CCDC125: variants seen among roughly 807,000 people sequenced by gnomAD.
CCDC125 encodes coiled-coil domain-containing protein 125.
Under a neutral mutation model 57.4 loss-of-function variants are expected in CCDC125, and 43 were observed. The observed-to-expected ratio is 0.75, with a 90% CI of 0.59 to 0.97. The LOEUF (loss-of-function observed/expected upper bound fraction) is 0.97, where lower values mean the gene tolerates loss of function less well. CCDC125 is among the 50% of genes least tolerant of loss of function. CCDC125 has a pLI of 0.00. For missense variants in CCDC125, 563 were observed against 595.7 expected (o/e 0.95, Z 0.57); for synonymous variants, 187 against 195.2 (o/e 0.96, Z 0.35).
chr5:69,295,377 C>G (rs558939431), intron 8 of CCDC125, among the ~76,000 whole-genome samples: 71 of 152,058 alleles, frequency 4.7e-4, no homozygotes, highest in Non-Finnish European at 1.0e-4. Context: ...AAACAGTCAT[C>G]CCTCCACTCC....
At chr5:69,279,419 A>C (rs1021289233), downstream of CCDC125, among the ~76,000 whole-genome samples, 5 of 151,824 alleles carry the variant, frequency 3.3e-5, no homozygotes, top group African/African-American at 7.3e-5. Context: ...GATGGTCTCT[A>C]TCTCCTGACC....
At position 69,307,921 on chromosome 5, in the gene CCDC125, C is replaced by A. The variant is rs774670228; in HGVS notation, c.531+30G>T. The A allele has an allele frequency of 3.9e-6, 6 of 1,539,782 alleles. No individual in the cohort carries two copies. The Admixed American group carries it at 5.0e-5, about 13-fold the overall frequency. ...ATTATATTTAACAGCTTATTGGATT[C>A]AATAAGTCTACACTAAAAGCACCAA... On this transcript the variant is annotated intron_variant, in intron 5 of 11. Transcript: ENST00000396496.
chr5:69,300,848 T>C (rs1464519614), intron 7 of CCDC125, among the ~76,000 whole-genome samples: 1 of 152,054 alleles, frequency 6.6e-6, no homozygotes, highest in East Asian at 1.9e-4. Flanking sequence ...TAGAGCTTTT[T>C]TTGTCCTTTT....
At chr5:69,280,001 T>C (rs973234156), downstream of CCDC125, among the ~76,000 whole-genome samples, 1 of 152,094 alleles carries the variant, frequency 6.6e-6, no homozygotes, top group African/African-American at 2.4e-5. Flanking sequence ...CCATTGGATC[T>C]CGTGAGAACT....
chr5:69,311,614 T>C (rs1358497340), intron 3 of CCDC125, among the ~76,000 whole-genome samples: 1 of 151,196 alleles, frequency 6.6e-6, no homozygotes, highest in African/African-American at 2.4e-5. Flanking sequence ...GCTGAGCCAC[T>C]GCACTCCAGT....
Position 69,285,341 on chromosome 5 carries a change from T to C in CCDC125, c.1226A>G (p.Asp409Gly), listed in dbSNP as rs1057193180. 1.9e-6 allele frequency: 3 copies of C among 1,608,804 alleles called. No homozygotes were observed. Among genetic ancestry groups the C allele is most frequent in the Non-Finnish European group, 2.5e-6 (3 of 1,178,664 alleles). The change falls in exon 11 of 12, where the codon GAT (aspartate) becomes GGT (glycine). Residue 409 changes from aspartate (D) to glycine (G), a missense_variant. Asp to Gly is a moderately conservative substitution (Grantham distance 94). Coordinates refer to ENST00000396496, the MANE Select transcript of CCDC125 (RefSeq NM_176816.5). ...SPQEVLKMLI[D>G]LLNDKEEALA... ...AAAAAAAGCAAAGACACTAACCAAA[T>C]CTATGAGCATCTTAAGGACCTCTTG...
At chr5:69,322,261 AGG>A (rs1760144937) in intron 1 of CCDC125, among the ~76,000 whole-genome samples, 1 of 151,932 alleles carries the variant, frequency 6.6e-6, no homozygotes, top group African/African-American at 2.4e-5. Context: ...CTCGGATGAC[AGG>A]AGTGAGGCAC....
intron 1 of CCDC125, among the ~76,000 whole-genome samples, chr5:69,323,352 T>C (rs1474657256): frequency 6.6e-6 from 1 of 152,112 alleles, no homozygotes; most frequent in Non-Finnish European, 1.5e-5. Flanking sequence ...AAAGGTATCA[T>C]ATTTGCATAT....
Position 69,306,843 on chromosome 5 carries a change from C to A in CCDC125, c.591G>T (p.Glu197Asp). 6.6e-7 allele frequency: 1 copy of A among 1,508,088 alleles called. No homozygotes were observed. Among genetic ancestry groups the A allele is most frequent in the Non-Finnish European group, 8.8e-7 (1 of 1,132,130 alleles). The allele number at this position is 1,508,088 out of a possible 1,614,324, so 93.4% of individuals were successfully genotyped here. A position where few individuals can be genotyped will look rare whatever the true frequency, so the allele number is the denominator to read the frequency against. ...EFDHNRFKNI[E>D]ESWIQKYDRL... is the part of the protein sequence containing the mutation. ...TGTCATATTTTTGGATCCAAGATTC[C>A]TCTATATTTTTAAATCTATTATGAT... The change falls in exon 6 of 12, where the codon GAG becomes GAT. Residue 197 changes from glutamate to aspartate, a missense_variant. Physicochemically the swap from Glu to Asp is conservative, Grantham distance 45. Coordinates refer to ENST00000396496, the MANE Select transcript of CCDC125 (RefSeq NM_176816.5).
At chr5:69,288,854 G>A (rs1235728842) in intron 10 of CCDC125, among the ~76,000 whole-genome samples, 1 of 152,168 alleles carries the variant, frequency 6.6e-6, no homozygotes, top group East Asian at 1.9e-4. Context: ...TACCCAGCTG[G>A]TGTGTGGGGA....
intron 3 of CCDC125, 30 bp downstream of exon 3, chr5:69,313,955 G>C: frequency 6.6e-7 from 1 of 1,521,072 alleles, no homozygotes; most frequent in Admixed American, 1.7e-5. Flanking sequence ...CAGCTAAACT[G>C]ATAATTTTTA....
rs1303793019 is a variant in CCDC125, at chr5:69,285,450, T to C, written c.1117A>G (p.Ser373Gly). The change falls in exon 11 of 12, where the codon AGT becomes GGT. Residue 373 changes from serine (S) to glycine (G), a missense_variant. By Grantham distance (56) the Ser-to-Gly change is moderately conservative (BLOSUM62 0). Transcript: ENST00000396496. The stretch of plus-strand genomic sequence containing the variant: ...AGTCTCTGCCCGAAGGTCTTCTTAC[T>C]CCTTGGTGATGGAAATCCTAAAATT... ...LKEDGFPSPR[S>G]KKTFGQRLLG... 4 of 1,599,070 alleles carry C rather than the reference T, an allele frequency of 2.5e-6. No individual in the cohort carries two copies. The East Asian group carries it at 9.0e-5, about 36-fold the overall frequency.
Position 69,307,857 on chromosome 5 carries a change from C to T in CCDC125, c.531+94G>A, listed in dbSNP as rs537790448. 8.8e-6 allele frequency: 8 copies of T among 913,790 alleles called. No individual in the cohort carries two copies. The East Asian group carries it at 2.0e-4, about 22-fold the overall frequency. The allele number at this position is 913,790 out of a possible 1,614,324, so 56.6% of individuals were successfully genotyped here. On this transcript the variant is annotated intron_variant, in intron 5 of 11. Coordinates refer to ENST00000396496, the MANE Select transcript of CCDC125 (RefSeq NM_176816.5). ...TGAAGCACACCTAGCAGAAGGTAGG[C>T]ACAAGTGACAGATCCATTAGTATGG...
chr5:69,329,403 G>T (rs2150687199), intron 1 of CCDC125, among the ~76,000 whole-genome samples: 1 of 150,652 alleles, frequency 6.6e-6, no homozygotes, highest in Non-Finnish European at 1.5e-5. Context: ...GCCCAGGCTG[G>T]TCTCAAACTC....
chr5:69,320,088 A>G, intron 2 of CCDC125, 149 bp downstream of exon 2: 1 of 765,942 alleles, frequency 1.3e-6, no homozygotes, highest in Non-Finnish European at 2.1e-6. Context: ...GTGCCACTGC[A>G]CTCCAGCCTG....
chr5:69,286,235 A>ATAAT (rs1753415691), intron 10 of CCDC125, among the ~76,000 whole-genome samples: 1 of 38,310 alleles, frequency 2.6e-5, no homozygotes, highest in African/African-American at 1.0e-4. Flanking sequence ...TATATATATA[A>ATAAT]TTTTTTTTTT....
At chr5:69,295,299 C>CT (rs540116946) in intron 8 of CCDC125, among the ~76,000 whole-genome samples, 38 of 152,286 alleles carry the variant, frequency 2.5e-4, no homozygotes, top group African/African-American at 9.1e-4. Flanking sequence ...GCATTCACTA[C>CT]TGCCAGTTTC....
rs894103809 is a variant in CCDC125 at position 69,290,302 on chromosome 5, CTAT to C, written c.1099+1883_1099+1885del. Among the ~76,000 whole-genome samples the C allele has an allele frequency of 4.0e-5, 6 of 149,064 alleles. No individual in the cohort carries two copies. In the South Asian group the frequency reaches 6.3e-4, roughly 16 times the overall value. ...CATTTTATTATTATTATTATTATTA[CTAT>C]TATTATTATTATTTTGAGACAGAGT... On this transcript the variant is annotated intron_variant, in intron 10 of 11. Transcript: ENST00000396496.
At chr5:69,307,742 TA>T (rs1757560717) in intron 5 of CCDC125, 2 of 553,662 alleles carry the variant, frequency 3.6e-6, no homozygotes, top group Admixed American at 3.1e-5. Context: ...CCTACTACCT[TA>T]ACATGGGGAA....
Sources: allele counts gnomAD v4.1 joint callset (sites outside exome capture counted in the v4.1 genomes callset), GRCh38; gene constraint gnomAD v4.1.1; transcripts MANE v1.5; gene names NCBI Gene and HGNC (gene_info 2026-07-23, HGNC 2026-07-21).